Variants in MARCHF1 observed in about 807,000 individuals in gnomAD.
MARCHF1 encodes the protein membrane associated ring-CH-type finger 1.
A neutral mutation model predicts 54.2 loss-of-function variants in MARCHF1; 40 were observed. The observed-to-expected ratio is 0.74, with a 90% CI of 0.57 to 0.96. The LOEUF (loss-of-function observed/expected upper bound fraction) is 0.96, where lower values mean the gene tolerates loss of function less well. Ranked by LOEUF, MARCHF1 falls within the 40% of genes least tolerant of loss-of-function variation. The pLI, the probability that MARCHF1 is intolerant of heterozygous loss-of-function variation, is 0.00. For missense variants in MARCHF1, 586 were observed against 656.5 expected, an observed-to-expected ratio of 0.89 and a Z score of 1.17; for synonymous variants, 236 against 236.3, an observed-to-expected ratio of 1.00 and a Z score of 0.01.
At chr4:163,765,691 G>A (rs140330484) in intron 4 of MARCHF1, among the ~76,000 whole-genome samples, 1 of 151,708 alleles carries the variant, frequency 6.6e-6, no homozygotes, top group African/African-American at 2.4e-5. Context: ...CCTCAGACAT[G>A]GAACCAAGTT....
chr4:163,720,791 T>C (rs1318394806), intron 4 of MARCHF1, among the ~76,000 whole-genome samples: 2 of 152,206 alleles, frequency 1.3e-5, no homozygotes, highest in Non-Finnish European at 2.9e-5. Flanking sequence ...TTTGAAGCAA[T>C]TGTGAATGGG....
intron 2 of MARCHF1, among the ~76,000 whole-genome samples, chr4:164,036,110 A>C (rs140353683): frequency 0.015 from 2,036 of 136,904 alleles, 49 homozygotes; most frequent in African/African-American, 0.054. Flanking sequence ...CTCAAAAAAA[A>C]AAAAAACAAA....
chr4:164,030,134 T>C (rs1029421402), intron 2 of MARCHF1, among the ~76,000 whole-genome samples: 1 of 152,086 alleles, frequency 6.6e-6, no homozygotes, highest in Non-Finnish European at 1.5e-5. Context: ...CTCAATACTT[T>C]AAATCATTTA....
At chr4:164,211,023 A>G (rs1223367644) in intron 1 of MARCHF1, among the ~76,000 whole-genome samples, 6 of 152,050 alleles carry the variant, frequency 3.9e-5, no homozygotes, top group Non-Finnish European at 7.4e-5. Context: ...ATAAAAGCAG[A>G]GAGTAGAACA....
intron 4 of MARCHF1, among the ~76,000 whole-genome samples, chr4:163,780,472 T>G (rs1015492354): frequency 3.3e-5 from 5 of 152,304 alleles, no homozygotes; most frequent in African/African-American, 1.2e-4. Flanking sequence ...ACCCATATTT[T>G]GGATATTAGA....
At chr4:163,653,368 A>C (rs1024200026) in intron 5 of MARCHF1, among the ~76,000 whole-genome samples, 23 of 151,786 alleles carry the variant, frequency 1.5e-4, no homozygotes, top group African/African-American at 5.1e-4. Flanking sequence ...TATTTTCCTG[A>C]GTTTGATGGA....
intron 1 of MARCHF1, among the ~76,000 whole-genome samples, chr4:164,235,948 T>C (rs368872692): frequency 3.3e-5 from 5 of 152,242 alleles, no homozygotes; most frequent in East Asian, 1.9e-4. Flanking sequence ...CTAGTTCACA[T>C]CCTTGCCTTT....
chr4:163,605,721 C>T (rs1197496284), intron 7 of MARCHF1, among the ~76,000 whole-genome samples: 5 of 152,120 alleles, frequency 3.3e-5, no homozygotes, highest in Non-Finnish European at 7.4e-5. Context: ...AAATATTATG[C>T]AGCCATAAAA....
intron 4 of MARCHF1, among the ~76,000 whole-genome samples, chr4:163,718,060 C>T (rs986818402): frequency 6.6e-6 from 1 of 152,120 alleles, no homozygotes; most frequent in Non-Finnish European, 1.5e-5. Flanking sequence ...CAAAGGATTC[C>T]CTATTTAATC....
chr4:163,993,328 C>T (rs1464325955), intron 2 of MARCHF1, among the ~76,000 whole-genome samples: 3 of 152,126 alleles, frequency 2.0e-5, no homozygotes, highest in Admixed American at 6.5e-5. Flanking sequence ...ATTGTGACTA[C>T]ACTTAGTATG....
At chr4:164,290,878 C>T (rs1472963963) in intron 1 of MARCHF1, among the ~76,000 whole-genome samples, 1 of 151,754 alleles carries the variant, frequency 6.6e-6, no homozygotes, top group Non-Finnish European at 1.5e-5. Flanking sequence ...ACACATTTCT[C>T]CAAGCAAGGA....
At chr4:164,049,849 T>C (rs527319593) in intron 2 of MARCHF1, among the ~76,000 whole-genome samples, 131 of 152,332 alleles carry the variant, frequency 8.6e-4, no homozygotes, top group African/African-American at 2.9e-3. Context: ...CATATATTTA[T>C]AGTATGATAA....
At chr4:163,719,809 T>G (rs1393454233) in intron 4 of MARCHF1, among the ~76,000 whole-genome samples, 3 of 152,206 alleles carry the variant, frequency 2.0e-5, no homozygotes, top group African/African-American at 7.2e-5. Flanking sequence ...TCATGTGTCT[T>G]TTGGCTACAT....
chr4:163,925,739 C>G (rs1475883203), intron 3 of MARCHF1, among the ~76,000 whole-genome samples: 1 of 151,718 alleles, frequency 6.6e-6, no homozygotes, highest in African/African-American at 2.4e-5. Context: ...TGAACCCAAT[C>G]TCTTTAGAGA....
chr4:164,171,334 C>T (rs1730520007), intron 1 of MARCHF1, among the ~76,000 whole-genome samples: 1 of 151,904 alleles, frequency 6.6e-6, no homozygotes, highest in South Asian at 2.1e-4. Context: ...TTACTGTTAA[C>T]TTGGAAAAAT....
chr4:164,217,386 G>A (rs1731963747), intron 1 of MARCHF1, among the ~76,000 whole-genome samples: 1 of 152,090 alleles, frequency 6.6e-6, no homozygotes, highest in Admixed American at 6.5e-5. Context: ...GTTAAACAAA[G>A]AAAACAAAAT....
At position 164,072,358 on chromosome 4, in the gene MARCHF1, G is replaced by A. The variant is rs181508167; in HGVS notation, c.-248+39230C>T. ...GCTAGTACTTATGGAGGCAGAGGTA[G>A]GTTCGAGACCAGCTTCAGCAACATG... On this transcript the variant is annotated intron_variant, in intron 2 of 9. Transcript: ENST00000514618. 3.9e-5 allele frequency among the ~76,000 whole-genome samples: 6 copies of A among 152,210 alleles called. No homozygotes were observed. In the East Asian group the frequency reaches 1.2e-3, roughly 29 times the overall value.
At position 164,276,947 on chromosome 4, in the gene MARCHF1, T is replaced by TATATATATATAG. The variant is rs1392528920; in HGVS notation, c.-323+106922_-323+106923insCTATATATATAT. ...ATGTCTCATATTCTATATATATATA[T>TATATATATATAG]AGAGAGAGAGAGAGAGAGAGACAGA... On this transcript the variant is annotated intron_variant, in intron 1 of 9. Coordinates refer to ENST00000514618, the MANE Select transcript of MARCHF1 (RefSeq NM_001394959.1). Among the ~76,000 whole-genome samples, 526 of 118,720 alleles carry TATATATATATAG rather than the reference T, an allele frequency of 4.4e-3. 3 individuals carry two copies. The highest frequency in any genetic ancestry group is 0.026 in the Middle Eastern group (5 of 194). The allele number at this position is 118,720 out of a possible 152,430, so 77.9% of individuals were successfully genotyped here.
At position 163,527,092 on chromosome 4, in the gene MARCHF1, T is replaced by C. The variant is rs192061285; in HGVS notation, c.*1656A>G. 2.0e-5 allele frequency: 3 copies of C among 152,148 alleles called. No homozygotes were observed. Among genetic ancestry groups the C allele is most frequent in the African/African-American group, 7.2e-5 (3 of 41,558 alleles). The allele number at this position is 152,148 out of a possible 1,614,324, so 9.4% of individuals were successfully genotyped here. ...TCTTATGGCCATCATTGCCTTTTCA[T>C]GTTAATAAATAATGACAGCTAACAA... On this transcript the variant is annotated 3_prime_UTR_variant, in exon 10 of 10. Transcript: ENST00000514618.
Sources: allele counts gnomAD v4.1 joint callset (sites outside exome capture counted in the v4.1 genomes callset), GRCh38; gene constraint gnomAD v4.1.1; transcripts MANE v1.5; gene names NCBI Gene and HGNC (gene_info 2026-07-23, HGNC 2026-07-21).